The following KIAA0040 variants were observed in gnomAD, a reference collection of about 807,000 sequenced individuals.
KIAA0040 encodes KIAA0040.
KIAA0040 carries 10 observed loss-of-function variants against 7.2 expected under a neutral mutation model. The ratio of observed to expected loss-of-function variants is 1.38; its 90% CI spans 0.85 to 2.34. The LOEUF (loss-of-function observed/expected upper bound fraction) is 2.34. Ranked by LOEUF, KIAA0040 falls within the 30% of genes most tolerant of loss-of-function variation. The pLI, the probability that KIAA0040 is intolerant of heterozygous loss-of-function variation, is 0.00. For synonymous variants in KIAA0040, 49 were observed against 40.1 expected, an observed-to-expected ratio of 1.22 and a Z score of -0.84; for missense variants, 89 against 108.2, an observed-to-expected ratio of 0.82 and a Z score of 0.79.
chr1:175,184,362 C>T (rs1004393204), intron 1 of KIAA0040, among the ~76,000 whole-genome samples: 5 of 152,230 alleles, frequency 3.3e-5, no homozygotes, highest in Admixed American at 1.3e-4. Flanking sequence ...GCCGACCTCA[C>T]ACGGTGCCAC....
intron 1 of KIAA0040, among the ~76,000 whole-genome samples, chr1:175,177,924 A>T (rs1479798065): frequency 2.0e-5 from 3 of 152,334 alleles, no homozygotes; most frequent in South Asian, 2.1e-4. Flanking sequence ...AACTGTACAA[A>T]TATTTAGAGT....
chr1:175,176,036 AT>A (rs1264472638), intron 2 of KIAA0040, among the ~76,000 whole-genome samples: 3 of 152,216 alleles, frequency 2.0e-5, no homozygotes, highest in Non-Finnish European at 2.9e-5. Flanking sequence ...AAAAATAAAA[AT>A]AAAAAAATAA....
chr1:175,164,422 A>G (rs1348805766), intron 3 of KIAA0040, among the ~76,000 whole-genome samples: 1 of 152,212 alleles, frequency 6.6e-6, no homozygotes, highest in Non-Finnish European at 1.5e-5. Flanking sequence ...ACAATAAGCA[A>G]ATTCCAAACT....
At chr1:175,185,816 C>G (rs1273169708) in intron 1 of KIAA0040, among the ~76,000 whole-genome samples, 1 of 152,166 alleles carries the variant, frequency 6.6e-6, no homozygotes, top group East Asian at 1.9e-4. Context: ...AACAGATAAA[C>G]TCTTATGGTA....
At chr1:175,185,316 T>C (rs1181460769) in intron 1 of KIAA0040, among the ~76,000 whole-genome samples, 3 of 152,136 alleles carry the variant, frequency 2.0e-5, no homozygotes, top group Non-Finnish European at 4.4e-5. Context: ...GGAAAATAGG[T>C]AAAGTGCTTA....
intron 1 of KIAA0040, among the ~76,000 whole-genome samples, chr1:175,183,155 C>T (rs1302955282): frequency 6.6e-6 from 1 of 152,158 alleles, no homozygotes; most frequent in African/African-American, 2.4e-5. Flanking sequence ...CCTTCTCTAC[C>T]ACCTCACCTC....
chr1:175,160,780 T>C lies in KIAA0040; in HGVS notation c.234A>G (p.Glu78=). 1 of 1,537,362 alleles carries C rather than the reference T, an allele frequency of 6.5e-7. No individual in the cohort carries two copies. The highest frequency in any genetic ancestry group is 2.2e-4 in the Middle Eastern group (1 of 4,648). ...KKKKKKKKDE[E]DLWISAQPKL... ...TGGGTTGAGCAGAGATCCAGAGGTC[T>C]TCTTCATCCTTCTTCTTCTTCTTCT... The change falls in exon 4 of 4, where the codon GAA becomes GAG. Residue 78 remains glutamate, a synonymous_variant. Transcript: ENST00000423313.
At chr1:175,176,004 C>G (rs1558396074) in intron 2 of KIAA0040, among the ~76,000 whole-genome samples, 1 of 152,204 alleles carries the variant, frequency 6.6e-6, no homozygotes, top group African/African-American at 2.4e-5. Flanking sequence ...TGCACATGTA[C>G]CCTAGAACTT....
chr1:175,187,887 G>C (rs1282687672), intron 1 of KIAA0040, among the ~76,000 whole-genome samples: 1 of 151,850 alleles, frequency 6.6e-6, no homozygotes, highest in Non-Finnish European at 1.5e-5. Flanking sequence ...TTCTTTTTAT[G>C]ACTTGCCTGG....
At chr1:175,173,110 C>G (rs1281857988) in intron 2 of KIAA0040, among the ~76,000 whole-genome samples, 1 of 152,190 alleles carries the variant, frequency 6.6e-6, no homozygotes, top group Non-Finnish European at 1.5e-5. Flanking sequence ...TCCATTCACT[C>G]CCAGGTGCTT....
chr1:175,168,568 C>T (rs936948567), intron 2 of KIAA0040, among the ~76,000 whole-genome samples: 6 of 152,116 alleles, frequency 3.9e-5, no homozygotes, highest in African/African-American at 9.7e-5. Context: ...GATGCTTTAT[C>T]ATGTAAACAT....
intron 2 of KIAA0040, among the ~76,000 whole-genome samples, chr1:175,170,110 A>C (rs1006621563): frequency 2.0e-5 from 3 of 152,206 alleles, no homozygotes; most frequent in African/African-American, 7.2e-5. Context: ...CTAAGGACCA[A>C]GCGTGCACAG....
At position 175,158,407 on chromosome 1, in the gene KIAA0040, A is replaced by G. The variant is rs1391356445; in HGVS notation, c.*2307T>C. On this transcript the variant is annotated 3_prime_UTR_variant, in exon 4 of 4. Transcript: ENST00000423313. Reference sequence around the variant, plus strand: ...GCTGTCTTAATTCAAAGGAGCAAGCAGTTGCCATGGAAACCATGTTACTTG... The same window carrying G: ...GCTGTCTTAATTCAAAGGAGCAAGCGGTTGCCATGGAAACCATGTTACTTG... 1 of 152,190 alleles carries G rather than the reference A, an allele frequency of 6.6e-6. No individual in the cohort carries two copies. The allele number at this position is 152,190 out of a possible 1,614,324, so 9.4% of individuals were successfully genotyped here. A position where few individuals can be genotyped will look rare whatever the true frequency, so the allele number is the denominator to read the frequency against.
chr1:175,176,634 T>C (rs1448396924), intron 2 of KIAA0040, among the ~76,000 whole-genome samples: 7 of 144,342 alleles, frequency 4.8e-5, no homozygotes, highest in Non-Finnish European at 9.0e-5. Flanking sequence ...AAAATACTTA[T>C]TGAGTACACA....
chr1:175,165,587 T>C (rs1408881963), intron 3 of KIAA0040, among the ~76,000 whole-genome samples: 1 of 152,242 alleles, frequency 6.6e-6, no homozygotes, highest in African/African-American at 2.4e-5. Flanking sequence ...GCTGTTGCTC[T>C]AGACTCTGGC....
chr1:175,178,978 G>GC (rs980702363), intron 1 of KIAA0040, among the ~76,000 whole-genome samples: 3 of 149,240 alleles, frequency 2.0e-5, no homozygotes, highest in African/African-American at 7.4e-5. Context: ...GGCGGGGGGG[G>GC]GGATATCATG....
Position 175,160,879 on chromosome 1 carries a change from G to A in KIAA0040, c.135C>T (p.Phe45=), listed in dbSNP as rs1161983115. The A allele has an allele frequency of 6.4e-7, 1 of 1,551,594 alleles. No homozygotes were observed. The highest frequency in any genetic ancestry group is 1.2e-5 in the South Asian group (1 of 84,032). The change falls in exon 4 of 4, where the codon TTC becomes TTT. Residue 45 remains phenylalanine, a synonymous_variant. Transcript: ENST00000423313. ...LPLLVIITLL[F]ICCHCCWSPP... is the part of the protein sequence containing the mutation. ...GGCTCCAGCAGCAATGGCAACAGAT[G>A]AAGAGGAGTGTGATGATCACCAAGA...
chr1:175,180,240 C>G (rs1677383317), intron 1 of KIAA0040, among the ~76,000 whole-genome samples: 1 of 152,182 alleles, frequency 6.6e-6, no homozygotes, highest in Admixed American at 6.5e-5. Flanking sequence ...CATTGTTCTT[C>G]CTTTCTAGAT....
At position 175,157,035 on chromosome 1, in the gene KIAA0040, C is replaced by T. The variant is rs1408502918; in HGVS notation, c.*3679G>A. On this transcript the variant is annotated 3_prime_UTR_variant, in exon 4 of 4. Transcript: ENST00000423313. ...TTTCATTGCAATGAATTTAAATAGT[C>T]ACATGTGGCTATTGGTACCATATTG... is the stretch of plus-strand genomic sequence containing the variant. 6.6e-6 allele frequency: 1 copy of T among 151,026 alleles called. No individual in the cohort carries two copies. Among genetic ancestry groups the T allele is most frequent in the African/African-American group, 2.4e-5 (1 of 41,016 alleles). The allele number at this position is 151,026 out of a possible 1,614,324, so 9.4% of individuals were successfully genotyped here.
Sources: allele counts gnomAD v4.1 joint callset (sites outside exome capture counted in the v4.1 genomes callset), GRCh38; gene constraint gnomAD v4.1.1; transcripts MANE v1.5; gene names NCBI Gene and HGNC (gene_info 2026-07-23, HGNC 2026-07-21).